The following CCDC148 variants were observed in gnomAD, a reference collection of about 807,000 sequenced individuals.
CCDC148 encodes coiled-coil domain containing 148.
CCDC148 carries 89 observed loss-of-function variants against 85.7 expected under a neutral mutation model. The observed-to-expected ratio is 1.04, with a 90% CI of 0.87 to 1.24. CCDC148 has a LOEUF of 1.24. CCDC148 is among the 50% of genes most tolerant of loss of function. CCDC148 has a pLI of 0.00. For synonymous variants in CCDC148, 230 were observed against 213.9 expected (o/e 1.08, Z -0.66); for missense variants, 692 against 671.7 (o/e 1.03, Z -0.33).
At chr2:158,299,877 A>T (rs1331150588) in intron 9 of CCDC148, among the ~76,000 whole-genome samples, 29 of 152,032 alleles carry the variant, frequency 1.9e-4, no homozygotes, top group Admixed American at 1.9e-3. Flanking sequence ...AGTTCAAGTG[A>T]TATTTATTCA....
rs1040928240 is a variant in CCDC148, at chr2:158,174,982, C to T, written c.1629+1539G>A. Among the ~76,000 whole-genome samples the T allele has an allele frequency of 2.6e-5, 4 of 151,996 alleles. No individual in the cohort carries two copies. In the East Asian group the frequency reaches 7.8e-4, roughly 29 times the overall value. On this transcript the variant is annotated intron_variant, in intron 13 of 13. Transcript: ENST00000283233. ...ATGCCTTAGTAGCAAGGCCTACTTG[C>T]TACTACTGGTCAAATGCCTTAGTAG...
At chr2:158,281,681 C>T (rs541182773) in intron 9 of CCDC148, among the ~76,000 whole-genome samples, 15 of 152,228 alleles carry the variant, frequency 9.9e-5, no homozygotes, top group African/African-American at 1.4e-4. Context: ...GATTCACAGC[C>T]GAATTCTACC....
intron 9 of CCDC148, among the ~76,000 whole-genome samples, chr2:158,279,039 C>A (rs1690118083): frequency 6.6e-6 from 1 of 152,232 alleles, no homozygotes; most frequent in African/African-American, 2.4e-5. Context: ...GGACCTCTAG[C>A]AAACTCTAAC....
chr2:158,338,544 T>C (rs1408615258), intron 7 of CCDC148, 182 bp downstream of exon 7: 3 of 507,192 alleles, frequency 5.9e-6, no homozygotes, highest in South Asian at 3.2e-5. Flanking sequence ...AGAACTATTA[T>C]GTCAAGAAAT....
At position 158,358,585 on chromosome 2, in the gene CCDC148, A is replaced by G. The variant is rs1412591458; in HGVS notation, c.26-15T>C. The G allele has an allele frequency of 3.3e-6, 5 of 1,505,902 alleles. No individual in the cohort carries two copies. The African/African-American group carries it at 5.7e-5, about 17-fold the overall frequency. The allele number at this position is 1,505,902 out of a possible 1,614,324, so 93.3% of individuals were successfully genotyped here. A position where few individuals can be genotyped will look rare whatever the true frequency, so the allele number is the denominator to read the frequency against. On this transcript the variant is annotated splice_polypyrimidine_tract_variant and intron_variant, in intron 1 of 13. Transcript: ENST00000283233. ...TACCAGATTATCTATTAGTCATAAA[A>G]ATAGAAAAATGACAAAGAAAGAATA...
chr2:158,370,224 C>T (rs1036444462), intron 1 of CCDC148, among the ~76,000 whole-genome samples: 7 of 152,030 alleles, frequency 4.6e-5, no homozygotes, highest in African/African-American at 1.7e-4. Context: ...GCAAACCATA[C>T]GTGCAGCACA....
chr2:158,187,299 GTC>G (rs142519777), intron 11 of CCDC148, among the ~76,000 whole-genome samples: 2 of 150,448 alleles, frequency 1.3e-5, no homozygotes, highest in Non-Finnish European at 1.5e-5. Flanking sequence ...TAATTCTTCA[GTC>G]TCTCTCTCTC....
rs941238898 is a variant in CCDC148, at chr2:158,240,452, T to TCTCTCTAACA, written c.1251+10319_1251+10320insTGTTAGAGAG. 5.8e-5 allele frequency among the ~76,000 whole-genome samples: 7 copies of TCTCTCTAACA among 120,546 alleles called. No individual in the cohort carries two copies. The South Asian group carries it at 9.7e-4, about 17-fold the overall frequency. The allele number at this position is 120,546 out of a possible 152,430, so 79.1% of individuals were successfully genotyped here. ...CTCTCTCTTTCTCTCTCTCTCTCTC[T>TCTCTCTAACA]CACACACACACACACACACACACAC... On this transcript the variant is annotated intron_variant, in intron 10 of 13. Coordinates refer to ENST00000283233, the MANE Select transcript of CCDC148 (RefSeq NM_138803.4).
At chr2:158,436,856 G>C (rs1360642781) in intron 1 of CCDC148, among the ~76,000 whole-genome samples, 14 of 152,020 alleles carry the variant, frequency 9.2e-5, no homozygotes, top group African/African-American at 3.4e-4. Flanking sequence ...CACCTCTACG[G>C]AAATAAACTA....
intron 11 of CCDC148, 27 bp from the exon 12 acceptor site, chr2:158,179,023 G>C (rs1417689411): frequency 1.3e-6 from 2 of 1,529,076 alleles, no homozygotes; most frequent in Admixed American, 1.7e-5. Flanking sequence ...GAAGGAAGTT[G>C]TGGAAGCATC....
chr2:158,253,918 T>A (rs886939075), intron 9 of CCDC148, among the ~76,000 whole-genome samples: 5 of 151,626 alleles, frequency 3.3e-5, no homozygotes, highest in African/African-American at 4.8e-5. Context: ...CATGAATTAT[T>A]CTTGCCAAAA....
chr2:158,376,005 A>C (rs1414788835), intron 1 of CCDC148, among the ~76,000 whole-genome samples: 1 of 152,132 alleles, frequency 6.6e-6, no homozygotes, highest in Non-Finnish European at 1.5e-5. Flanking sequence ...TGTAACTTTC[A>C]GCCAAACAAA....
At chr2:158,370,294 A>C (rs1684385385) in intron 1 of CCDC148, among the ~76,000 whole-genome samples, 1 of 152,132 alleles carries the variant, frequency 6.6e-6, no homozygotes, top group African/African-American at 2.4e-5. Context: ...TTAAAATTAA[A>C]TTAAATTAAA....
intron 9 of CCDC148, among the ~76,000 whole-genome samples, chr2:158,277,471 C>T (rs1690007078): frequency 6.6e-6 from 1 of 152,152 alleles, no homozygotes; most frequent in Non-Finnish European, 1.5e-5. Flanking sequence ...GTCTGACTCA[C>T]AAATAGGGGA....
intron 2 of CCDC148, among the ~76,000 whole-genome samples, chr2:158,350,690 C>A (rs76225038): frequency 0.042 from 6,312 of 152,078 alleles, 218 homozygotes; most frequent in African/African-American, 0.089. Context: ...ATGCATGCAT[C>A]TTTTTCTCTT....
intron 1 of CCDC148, among the ~76,000 whole-genome samples, chr2:158,411,610 T>G (rs921618719): frequency 6.6e-6 from 1 of 152,172 alleles, no homozygotes. Flanking sequence ...GTTGTCTAAT[T>G]GTGTTCTCTT....
At chr2:158,363,970 A>C (rs1185823691) in intron 1 of CCDC148, among the ~76,000 whole-genome samples, 2 of 152,252 alleles carry the variant, frequency 1.3e-5, no homozygotes, top group Non-Finnish European at 2.9e-5. Context: ...GCAAAGTCTC[A>C]GGATACAAAA....
intron 9 of CCDC148, among the ~76,000 whole-genome samples, chr2:158,271,602 G>A (rs192514181): frequency 5.1e-4 from 77 of 152,208 alleles, no homozygotes; most frequent in African/African-American, 1.7e-3. Context: ...GAGAGACCAC[G>A]TTCATATAAC....
chr2:158,425,150 A>G, intron 1 of CCDC148: 1 of 513,052 alleles, frequency 1.9e-6, no homozygotes, highest in Non-Finnish European at 3.9e-6. Flanking sequence ...GTGGTGATCA[A>G]AACTGTAGTG....
Sources: allele counts gnomAD v4.1 joint callset (sites outside exome capture counted in the v4.1 genomes callset), GRCh38; gene constraint gnomAD v4.1.1; transcripts MANE v1.5; gene names NCBI Gene and HGNC (gene_info 2026-07-23, HGNC 2026-07-21).